The following ATP5PF variants were observed in gnomAD, a reference collection of about 807,000 sequenced individuals.
The protein encoded by ATP5PF is ATP synthase peripheral stalk subunit F6, mitochondrial.
In ATP5PF, 7 loss-of-function variants were observed where a neutral mutation model predicts 12.0. The ratio of observed to expected loss-of-function variants is 0.58; its 90% CI spans 0.33 to 1.10. The LOEUF is 1.10. Ranked by LOEUF, ATP5PF falls within the 50% of genes least tolerant of loss-of-function variation. ATP5PF has a pLI of 0.03. For missense variants in ATP5PF, 120 were observed against 127.7 expected (o/e 0.94, Z 0.29); for synonymous variants, 41 against 45.4 (o/e 0.90, Z 0.39).
Position 25,725,321 on chromosome 21 carries a change from G to A in ATP5PF, c.194C>T (p.Ser65Leu), listed in dbSNP as rs763429164. 2 of 1,610,990 alleles carry A rather than the reference G, an allele frequency of 1.2e-6. No homozygotes were observed. Among genetic ancestry groups the A allele is most frequent in the South Asian group, 1.1e-5 (1 of 90,570 alleles). The change falls in exon 3 of 4, where the codon TCA (serine) becomes TTA (leucine). Residue 65 changes from serine (S) to leucine (L), a missense_variant. Physicochemically the swap from Ser to Leu is moderately radical, Grantham distance 145. Coordinates refer to ENST00000284971, the MANE Select transcript of ATP5PF (RefSeq NM_001003703.2). ...CCTCTCCAGCTCTTGCTGATACTCT[G>A]AACTAGCATCAACAGGTCCTCCAGA... Reference protein sequence around the residue: ...QTSGGPVDASSEYQQELEREL... With the variant: ...QTSGGPVDASLEYQQELEREL...
chr21:25,734,982 C>A, upstream of ATP5PF: 1 of 1,559,584 alleles, frequency 6.4e-7, no homozygotes. Context: ...AGTCGGTCGA[C>A]GCTCACCGGA....
intron 2 of ATP5PF, among the ~76,000 whole-genome samples, chr21:25,729,395 TA>T (rs1322796829): frequency 6.6e-6 from 1 of 152,228 alleles, no homozygotes; most frequent in African/African-American, 2.4e-5. Context: ...GAATGTATTT[TA>T]AACAGCAATA....
At position 25,726,579 on chromosome 21, in the gene ATP5PF, G is replaced by C. The variant is rs201914447; in HGVS notation, c.165-1229C>G. Among the ~76,000 whole-genome samples the C allele has an allele frequency of 2.0e-5, 3 of 152,166 alleles. No individual in the cohort carries two copies. In the East Asian group the frequency reaches 5.8e-4, roughly 29 times the overall value. ...AGGAGTCTAGATGGAAAAACCAGCAGACCCCAGATCATGGGAGGCCCGGAA... is the reference window on the plus strand; with the variant it reads ...AGGAGTCTAGATGGAAAAACCAGCACACCCCAGATCATGGGAGGCCCGGAA... On this transcript the variant is annotated intron_variant, in intron 2 of 3. Coordinates refer to ENST00000284971, the MANE Select transcript of ATP5PF (RefSeq NM_001003703.2).
chr21:25,735,007 G>A (rs1169622525), upstream of ATP5PF: 3 of 1,540,782 alleles, frequency 1.9e-6, no homozygotes, highest in Non-Finnish European at 2.6e-6. Context: ...AAGCGTCTCG[G>A]AGACAGTCTG....
upstream of ATP5PF, chr21:25,734,979 C>A (rs567696392): frequency 2.9e-5 from 46 of 1,560,330 alleles, no homozygotes; most frequent in South Asian, 4.4e-4. Flanking sequence ...TTCAGTCGGT[C>A]GACGCTCACC....
intron 1 of ATP5PF, chr21:25,734,441 C>T (rs751619212): frequency 8.6e-6 from 8 of 926,574 alleles, no homozygotes; most frequent in Non-Finnish European, 1.0e-5. Flanking sequence ...GGGATGCAAA[C>T]TTTCAATATT....
At chr21:25,730,472 G>A (rs554515805) in intron 1 of ATP5PF, among the ~76,000 whole-genome samples, 10 of 152,250 alleles carry the variant, frequency 6.6e-5, no homozygotes, top group African/African-American at 2.4e-4. Context: ...AGTGGTTCAC[G>A]CCTGTAATCC....
upstream of ATP5PF, chr21:25,735,031 C>G: frequency 1.4e-6 from 2 of 1,478,786 alleles, no homozygotes; most frequent in Non-Finnish European, 1.8e-6. Flanking sequence ...CCGGACGGGT[C>G]TAGGTGAGAC....
intron 1 of ATP5PF, chr21:25,734,398 C>A (rs991420803): frequency 1.0e-6 from 1 of 992,472 alleles, no homozygotes; most frequent in East Asian, 1.1e-4. Context: ...CATAAAGTCG[C>A]CTAATGAAGT....
rs773719063 is a variant in ATP5PF, at chr21:25,725,318, T to C, written c.197A>G (p.Glu66Gly). Reference protein sequence around the residue: ...TSGGPVDASSEYQQELERELF... With the variant: ...TSGGPVDASSGYQQELERELF... ...CTCCCTCTCCAGCTCTTGCTGATAC[T>C]CTGAACTAGCATCAACAGGTCCTCC... The change falls in exon 3 of 4, where the codon GAG becomes GGG. Residue 66 changes from glutamate (E) to glycine (G), a missense_variant. Glu to Gly is a moderately conservative substitution (Grantham distance 98, BLOSUM62 -2). Coordinates refer to ENST00000284971, the MANE Select transcript of ATP5PF (RefSeq NM_001003703.2). The C allele has an allele frequency of 3.1e-6, 5 of 1,611,896 alleles. No homozygotes were observed. The Admixed American group carries it at 5.0e-5, about 16-fold the overall frequency.
At chr21:25,735,305 T>C, upstream of ATP5PF, 1 of 322,766 alleles carries the variant, frequency 3.1e-6, no homozygotes, top group Non-Finnish European at 5.9e-6. Flanking sequence ...GGCGTTGTGC[T>C]TCCTTGTACC....
intron 2 of ATP5PF, among the ~76,000 whole-genome samples, chr21:25,727,064 T>C (rs2034637887): frequency 6.6e-6 from 1 of 152,254 alleles, no homozygotes; most frequent in Non-Finnish European, 1.5e-5. Flanking sequence ...TATCTGGCTA[T>C]TGAGCACTAG....
At chr21:25,725,081 T>A in intron 3 of ATP5PF, 145 bp downstream of exon 3, 1 of 1,085,566 alleles carries the variant, frequency 9.2e-7, no homozygotes, top group Non-Finnish European at 1.3e-6. Flanking sequence ...CAGCAAACAT[T>A]TAGCCGGCAG....
chr21:25,726,497 A>G (rs1174270874), intron 2 of ATP5PF, among the ~76,000 whole-genome samples: 1 of 152,212 alleles, frequency 6.6e-6, no homozygotes, highest in African/African-American at 2.4e-5. Flanking sequence ...ACCTTCTAAG[A>G]TGGAAAAAGC....
intron 1 of ATP5PF, chr21:25,734,457 T>A: frequency 2.3e-6 from 2 of 874,044 alleles, no homozygotes; most frequent in Non-Finnish European, 1.4e-6. Flanking sequence ...ATATTATGAC[T>A]AATTTTTTCC....
intron 1 of ATP5PF, chr21:25,734,225 G>C (rs1208333037): frequency 2.9e-6 from 2 of 693,112 alleles, no homozygotes; most frequent in Non-Finnish European, 3.5e-6. Flanking sequence ...ATATGATAGC[G>C]TCTGACATGA....
intron 2 of ATP5PF, among the ~76,000 whole-genome samples, 200 bp from the exon 3 acceptor site, chr21:25,725,550 C>A (rs2034596561): frequency 1.3e-5 from 2 of 152,062 alleles, no homozygotes; most frequent in South Asian, 4.1e-4. Context: ...AGCGATTCTC[C>A]TGTCTCAGCC....
chr21:25,732,163 T>C (rs1220550379), intron 1 of ATP5PF, among the ~76,000 whole-genome samples: 1 of 152,188 alleles, frequency 6.6e-6, no homozygotes, highest in Admixed American at 6.5e-5. Context: ...CATCTGGCAA[T>C]GTCTTTAGAC....
chr21:25,726,163 A>G (rs949122872), intron 2 of ATP5PF, among the ~76,000 whole-genome samples: 3 of 152,182 alleles, frequency 2.0e-5, no homozygotes, highest in African/African-American at 7.2e-5. Flanking sequence ...ATTATTATCT[A>G]CTAATATCAT....
Sources: gnomAD v4.1 joint callset for allele counts (sites outside exome capture counted in the v4.1 genomes callset) on GRCh38, gnomAD v4.1.1 for gene constraint, MANE v1.5 for transcripts, NCBI Gene and HGNC (gene_info 2026-07-23, HGNC 2026-07-21) for gene names.